The following ARHGAP6 variants were observed in gnomAD, a reference collection of about 807,000 sequenced individuals.
The protein encoded by ARHGAP6 is rho GTPase-activating protein 6.
A neutral mutation model predicts 55.7 loss-of-function variants in ARHGAP6; 16 were observed. That is an observed-to-expected ratio of 0.29 (90% CI 0.19 to 0.44). The LOEUF (loss-of-function observed/expected upper bound fraction) is 0.44. Ranked by LOEUF, ARHGAP6 falls within the 20% of genes least tolerant of loss-of-function variation. The pLI is 1.00. For synonymous variants in ARHGAP6, 382 were observed against 360.9 expected, an observed-to-expected ratio of 1.06 and a Z score of -0.66; for missense variants, 698 against 808.9, an observed-to-expected ratio of 0.86 and a Z score of 1.66.
intron 1 of ARHGAP6, among the ~76,000 whole-genome samples, chrX:11,474,171 C>T (rs2050380077): frequency 9.0e-6 from 1 of 111,587 alleles, no homozygotes; most frequent in South Asian, 3.7e-4. Context: ...CAAGCACACA[C>T]TACTCCAAAG....
At chrX:11,498,900 A>T (rs1473081364) in intron 1 of ARHGAP6, among the ~76,000 whole-genome samples, 1 of 111,792 alleles carries the variant, frequency 8.9e-6, no homozygotes, top group Non-Finnish European at 1.9e-5. Context: ...AATTTATTTC[A>T]TTTTTTCTTT....
At chrX:11,351,047 T>TAC (rs35026703) in intron 1 of ARHGAP6, among the ~76,000 whole-genome samples, 9,845 of 87,791 alleles carry the variant, frequency 0.11, 607 homozygotes, top group African/African-American at 0.2. Context: ...ATATTCAAAT[T>TAC]ACACACACAC....
intron 1 of ARHGAP6, among the ~76,000 whole-genome samples, chrX:11,392,563 C>T (rs1025758183): frequency 3.6e-5 from 4 of 111,645 alleles, no homozygotes; most frequent in Non-Finnish European, 7.5e-5. Flanking sequence ...AAAAATCACA[C>T]TGGCTAGCAT....
At chrX:11,427,048 G>A (rs2049887959) in intron 1 of ARHGAP6, among the ~76,000 whole-genome samples, 1 of 110,858 alleles carries the variant, frequency 9.0e-6, no homozygotes. Flanking sequence ...CCACAAAGTA[G>A]GAGGGAAATG....
chrX:11,144,319 T>A lies in ARHGAP6; in HGVS notation c.1908-71A>T, dbSNP rs903836974. On this transcript the variant is annotated intron_variant, in intron 10 of 12. Coordinates refer to ENST00000337414, the MANE Select transcript of ARHGAP6 (RefSeq NM_013427.3). ...AGTGACCAGATTTAAACAATATGGC[T>A]ATTACACAAATGACTGGAGGAGTAT... 7.6e-6 allele frequency: 9 copies of A among 1,184,022 alleles called. No homozygotes were observed. In the Admixed American group the frequency reaches 1.1e-4, roughly 15 times the overall value.
At chrX:11,330,625 T>G (rs138025598) in intron 1 of ARHGAP6, among the ~76,000 whole-genome samples, 1 of 111,484 alleles carries the variant, frequency 9.0e-6, no homozygotes, top group East Asian at 2.8e-4. Flanking sequence ...GTGCCAGGCA[T>G]AGAGCTCTAT....
intron 1 of ARHGAP6, among the ~76,000 whole-genome samples, chrX:11,396,047 A>T (rs1475827739): frequency 1.8e-5 from 2 of 111,479 alleles, no homozygotes; most frequent in African/African-American, 6.5e-5. Context: ...CTCTAGGAGT[A>T]CTATCATACC....
At chrX:11,427,697 G>T (rs2049898016) in intron 1 of ARHGAP6, 1 of 828,876 alleles carries the variant, frequency 1.2e-6, no homozygotes, top group Non-Finnish European at 1.5e-6. Context: ...GCCCCTGGGC[G>T]CGAGCCCTGC....
intron 1 of ARHGAP6, chrX:11,298,658 C>T (rs776675035): frequency 8.3e-7 from 1 of 1,211,170 alleles, no homozygotes; most frequent in Non-Finnish European, 1.1e-6. Context: ...ATCACCACAT[C>T]CCAGTGGTGC....
rs777487143 is a variant in ARHGAP6 at position 11,265,891 on chromosome X, G to A, written c.589-11184C>T. The A allele has an allele frequency of 6.4e-5, 61 of 949,478 alleles. No individual in the cohort carries two copies. In the Middle Eastern group the frequency reaches 9.0e-4, roughly 14 times the overall value. The allele number at this position is 949,478 out of a possible 1,213,427, so 78.2% of individuals were successfully genotyped here. ...ATACCTTTTGTTGCCAGAGACCTCCGCTACTGTGAATCTTGGGACCAAAAA... is the reference window on the plus strand; with the variant it reads ...ATACCTTTTGTTGCCAGAGACCTCCACTACTGTGAATCTTGGGACCAAAAA... On this transcript the variant is annotated intron_variant, in intron 1 of 12. Coordinates refer to ENST00000337414, the MANE Select transcript of ARHGAP6 (RefSeq NM_013427.3).
chrX:11,408,605 A>G (rs191142046), intron 1 of ARHGAP6, among the ~76,000 whole-genome samples: 2 of 110,969 alleles, frequency 1.8e-5, no homozygotes, highest in Admixed American at 1.9e-4. Context: ...ATAGGGGTCT[A>G]TGAGGAAGCA....
At chrX:11,589,409 A>G (rs1226888372) in intron 1 of ARHGAP6, among the ~76,000 whole-genome samples, 1 of 106,453 alleles carries the variant, frequency 9.4e-6, no homozygotes, top group Non-Finnish European at 1.9e-5. Context: ...TAAATCAAAT[A>G]TAACCTTTTT....
At chrX:11,225,659 G>T in intron 2 of ARHGAP6, 1 of 555,873 alleles carries the variant, frequency 1.8e-6, no homozygotes, top group Non-Finnish European at 2.8e-6. Flanking sequence ...TTTTAGTTTT[G>T]TGCTTCTAGA....
intron 1 of ARHGAP6, among the ~76,000 whole-genome samples, chrX:11,458,821 G>A (rs1276378071): frequency 2.2e-5 from 2 of 91,209 alleles, no homozygotes; most frequent in African/African-American, 4.5e-5. Flanking sequence ...AGGAGAGATA[G>A]TAATAAAAAG....
At chrX:11,359,550 A>G (rs1262656485) in intron 1 of ARHGAP6, among the ~76,000 whole-genome samples, 2 of 111,970 alleles carry the variant, frequency 1.8e-5, no homozygotes, top group Non-Finnish European at 1.9e-5. Context: ...ACCTCCTATC[A>G]CCATATTCCA....
intron 1 of ARHGAP6, among the ~76,000 whole-genome samples, chrX:11,591,407 T>A (rs1189522155): frequency 9.2e-6 from 1 of 108,905 alleles, no homozygotes; most frequent in Non-Finnish European, 1.9e-5. Context: ...TTTAATTATA[T>A]AATTATTAAT....
intron 1 of ARHGAP6, among the ~76,000 whole-genome samples, chrX:11,422,141 G>A (rs761550834): frequency 9.0e-6 from 1 of 111,628 alleles, no homozygotes; most frequent in East Asian, 2.8e-4. Context: ...AAGTGGTGAT[G>A]TGAACAATGA....
chrX:11,514,103 A>T (rs1341398716), intron 1 of ARHGAP6, among the ~76,000 whole-genome samples: 1 of 92,221 alleles, frequency 1.1e-5, no homozygotes, highest in African/African-American at 4.1e-5. Context: ...TGGAGGTTGC[A>T]GTGAGCTAAG....
intron 1 of ARHGAP6, among the ~76,000 whole-genome samples, chrX:11,390,576 C>T (rs1407479851): frequency 1.8e-5 from 2 of 111,102 alleles, no homozygotes; most frequent in Non-Finnish European, 3.8e-5. Context: ...TGACAAAGGG[C>T]TAATATCCAG....
Sources: allele counts gnomAD v4.1 joint callset (sites outside exome capture counted in the v4.1 genomes callset), GRCh38; gene constraint gnomAD v4.1.1; transcripts MANE v1.5; gene names NCBI Gene and HGNC (gene_info 2026-07-23, HGNC 2026-07-21).